The following HELQ variants were observed in gnomAD, a reference collection of about 807,000 sequenced individuals.
HELQ encodes the protein helicase POLQ-like.
Under a neutral mutation model 111.6 loss-of-function variants are expected in HELQ, and 77 were observed. That is an observed-to-expected ratio of 0.69 (90% CI 0.57 to 0.83). The LOEUF is 0.83. HELQ is among the 40% of genes least tolerant of loss of function. HELQ has a pLI of 0.00. For synonymous variants in HELQ, 438 were observed against 454.7 expected (o/e 0.96, Z 0.47); for missense variants, 1,200 against 1,288.5 (o/e 0.93, Z 1.05).
intron 15 of HELQ, among the ~76,000 whole-genome samples, chr4:83,419,483 AATT>A (rs1198892388): frequency 6.7e-6 from 1 of 148,460 alleles, no homozygotes; most frequent in African/African-American, 2.4e-5. Context: ...TATTATATGT[AATT>A]ATATAATTAT....
chr4:83,446,307 T>TA (rs1184987499), intron 4 of HELQ, among the ~76,000 whole-genome samples: 1 of 120,160 alleles, frequency 8.3e-6, no homozygotes, highest in African/African-American at 2.7e-5. Context: ...TAAGTACTAC[T>TA]AAAAAAATTT....
intron 17 of HELQ, among the ~76,000 whole-genome samples, chr4:83,414,920 C>T (rs1037489633): frequency 3.3e-5 from 5 of 151,984 alleles, no homozygotes; most frequent in African/African-American, 9.7e-5. Flanking sequence ...CCTAATTTAA[C>T]GGGACAAGGT....
At chr4:83,448,990 T>C in intron 2 of HELQ, 29 bp from the exon 3 acceptor site, 1 of 1,491,704 alleles carries the variant, frequency 6.7e-7, no homozygotes, top group East Asian at 2.3e-5. Context: ...AAAGGCATTA[T>C]TTTCCCCTTC....
chr4:83,411,157 CA>C (rs35424076), intron 17 of HELQ, among the ~76,000 whole-genome samples: 16,133 of 67,204 alleles, frequency 0.24, 1,091 homozygotes, highest in African/African-American at 0.42. Flanking sequence ...GACCTTGTCT[CA>C]AAAAAAAAAA....
chr4:83,420,593 T>C (rs972075666), intron 15 of HELQ, among the ~76,000 whole-genome samples: 4 of 152,156 alleles, frequency 2.6e-5, no homozygotes, highest in Non-Finnish European at 5.9e-5. Flanking sequence ...GAGATCAGCC[T>C]GGCCAATATG....
chr4:83,409,330 C>T (rs1201684492), intron 17 of HELQ, among the ~76,000 whole-genome samples: 1 of 151,998 alleles, frequency 6.6e-6, no homozygotes, highest in African/African-American at 2.4e-5. Flanking sequence ...GTGGGCAGAC[C>T]ATGAGGTCAG....
In HELQ at chr4:83,453,282, TGGGTAATGAATAAAAA is replaced by T; in HGVS notation, c.945_960del (p.Phe316AlafsTer3). 1 of 1,613,710 alleles carries T rather than the reference TGGGTAATGAATAAAAA, an allele frequency of 6.2e-7. No homozygotes were observed. The highest frequency in any genetic ancestry group is 1.3e-5 in the African/African-American group (1 of 75,032). ...TGGGCATAAAGGTCTCTCACTTTGC[TGGGTAATGAATAAAAA>T]GGACCAAGGTCATTTGATGATGACT... On this transcript the variant is annotated frameshift_variant, in exon 2 of 18. Transcript: ENST00000295488. LOFTEE classifies it high-confidence loss of function.
intron 1 of HELQ, among the ~76,000 whole-genome samples, chr4:83,454,444 C>T (rs1195407509): frequency 2.6e-5 from 4 of 152,076 alleles, no homozygotes; most frequent in African/African-American, 7.2e-5. Flanking sequence ...GTCACCCAGG[C>T]TGGAGCACAG....
chr4:83,425,089 G>C (rs1719775467), intron 14 of HELQ, among the ~76,000 whole-genome samples: 1 of 151,828 alleles, frequency 6.6e-6, no homozygotes, highest in African/African-American at 2.4e-5. Context: ...AGACCAGCCT[G>C]GCCAACATGG....
chr4:83,421,597 G>T lies in HELQ; in HGVS notation c.2915C>A (p.Ala972Asp). The change falls in exon 15 of 18, where the codon GCC (alanine) becomes GAC (aspartate). Residue 972 changes from alanine to aspartate, a missense_variant. Physicochemically the swap from Ala to Asp is moderately radical, Grantham distance 126 (BLOSUM62 -2). Around this residue, in one of 3 missense-constraint regions of HELQ, gnomAD observed 585 missense variants for 665.3 expected, o/e 0.88. Transcript: ENST00000295488. ...GYIQNLLTGT[A>D]SFSSCVLHFC... Reference sequence around the variant, plus strand: ...ATGTAACACACAAGATGAGAATGAGGCAGTTCCAGTGAGAAGATTTTGTAT... The same window carrying T: ...ATGTAACACACAAGATGAGAATGAGTCAGTTCCAGTGAGAAGATTTTGTAT... 1 of 1,613,324 alleles carries T rather than the reference G, an allele frequency of 6.2e-7. No homozygotes were observed. The highest frequency in any genetic ancestry group is 8.5e-7 in the Non-Finnish European group (1 of 1,179,530).
intron 15 of HELQ, among the ~76,000 whole-genome samples, chr4:83,419,086 C>G (rs769166775): frequency 1.6e-4 from 24 of 149,218 alleles, no homozygotes; most frequent in African/African-American, 5.9e-4. Context: ...CTGTGGCCCA[C>G]AGGCCACATG....
intron 7 of HELQ, 90 bp from the exon 8 acceptor site, chr4:83,440,098 C>A: frequency 1.1e-6 from 1 of 940,800 alleles, no homozygotes; most frequent in Non-Finnish European, 1.6e-6. Context: ...GGTAAATAAA[C>A]CATCTATAAT....
At chr4:83,434,839 AAG>A (rs1392145604) in intron 9 of HELQ, among the ~76,000 whole-genome samples, 1 of 152,198 alleles carries the variant, frequency 6.6e-6, no homozygotes. Flanking sequence ...TGTGTAAGAA[AAG>A]AGATACGAAA....
chr4:83,442,494 T>C (rs1275090472), intron 6 of HELQ, among the ~76,000 whole-genome samples: 1 of 151,638 alleles, frequency 6.6e-6, no homozygotes, highest in Admixed American at 6.6e-5. Flanking sequence ...TGCTGCAACC[T>C]TCGCCCCACT....
intron 12 of HELQ, among the ~76,000 whole-genome samples, chr4:83,427,974 G>C (rs1719935311): frequency 6.6e-6 from 1 of 152,056 alleles, no homozygotes; most frequent in African/African-American, 2.4e-5. Flanking sequence ...AAAATACATA[G>C]AGATGTCCAT....
In HELQ at chr4:83,407,577, A is replaced by G; in HGVS notation, c.3199-17T>C. The G allele has an allele frequency of 1.9e-6, 3 of 1,570,696 alleles. No homozygotes were observed. The highest frequency in any genetic ancestry group is 2.6e-6 in the Non-Finnish European group (3 of 1,144,078). ...CAACAGCATCTACATTAAAAAATTA[A>G]GACGTGAGGCCAAAATATGCATTGC... is the stretch of plus-strand genomic sequence containing the variant. On this transcript the variant is annotated splice_polypyrimidine_tract_variant and intron_variant, in intron 17 of 17. Transcript: ENST00000295488.
At chr4:83,420,579 G>A (rs992129412) in intron 15 of HELQ, among the ~76,000 whole-genome samples, 6 of 152,166 alleles carry the variant, frequency 3.9e-5, no homozygotes, top group East Asian at 1.9e-4. Context: ...GAGGTCCGGA[G>A]TTCGAGATCA....
In HELQ at chr4:83,421,616, T is replaced by G; in HGVS notation, c.2896A>C (p.Asn966His). 4 of 1,613,600 alleles carry G rather than the reference T, an allele frequency of 2.5e-6. No homozygotes were observed. Among genetic ancestry groups the G allele is most frequent in the African/African-American group, 1.3e-5 (1 of 75,012 alleles). ...KFNMPRGYIQ[N>H]LLTGTASFSS... Reference sequence around the variant, plus strand: ...AATGAGGCAGTTCCAGTGAGAAGATTTTGTATATATCCTCGAGGCATATTA... The same window carrying G: ...AATGAGGCAGTTCCAGTGAGAAGATGTTGTATATATCCTCGAGGCATATTA... Residue 966 changes from asparagine to histidine, a missense_variant, in exon 15 of 18, where the codon AAT (asparagine) becomes CAT (histidine). By Grantham distance (68) the Asn-to-His change is moderately conservative. Around this residue, in one of 3 missense-constraint regions of HELQ, gnomAD observed 585 missense variants for 665.3 expected, o/e 0.88. Coordinates refer to ENST00000295488, the MANE Select transcript of HELQ (RefSeq NM_133636.5).
chr4:83,418,226 A>T lies in HELQ; in HGVS notation c.2950-20T>A, dbSNP rs755436455. On this transcript the variant is annotated intron_variant, in intron 15 of 17. Coordinates refer to ENST00000295488, the MANE Select transcript of HELQ (RefSeq NM_133636.5). ...AAGCTCCTGTAGAACACAAAGAAAT[A>T]TATAAAATTTAAATTTTGTAAGTTA... 7.3e-7 allele frequency: 1 copy of T among 1,372,218 alleles called. No individual in the cohort carries two copies. The highest frequency in any genetic ancestry group is 1.5e-5 in the African/African-American group (1 of 68,432). 85.0% of individuals were successfully genotyped at this position (1,372,218 alleles called of 1,614,324 possible). A position where few individuals can be genotyped will look rare whatever the true frequency, so the allele number is the denominator to read the frequency against.
Sources: gnomAD v4.1 joint callset for allele counts (sites outside exome capture counted in the v4.1 genomes callset) on GRCh38, gnomAD v4.1.1 for gene constraint, gnomAD v4.1.1 regional missense constraint, MANE v1.5 for transcripts, NCBI Gene and HGNC (gene_info 2026-07-23, HGNC 2026-07-21) for gene names.